ZNF169: variants seen among roughly 807,000 people sequenced by gnomAD.
The protein encoded by ZNF169 is zinc finger protein 169.
ZNF169 carries 11 observed loss-of-function variants against 12.0 expected under a neutral mutation model. That is an observed-to-expected ratio of 0.92 (90% CI 0.58 to 1.52). ZNF169 has a LOEUF of 1.52. ZNF169 is among the 40% of genes most tolerant of loss of function. The pLI is 0.00. For synonymous variants in ZNF169, 302 were observed against 286.5 expected (o/e 1.05, Z -0.55); for missense variants, 722 against 744.0 (o/e 0.97, Z 0.34).
At chr9:94,287,766 A>G in intron 2 of ZNF169, 1 of 1,394,896 alleles carries the variant, frequency 7.2e-7, no homozygotes. Context: ...GCCATCCAGG[A>G]GAGCTGACAG....
Position 94,300,619 on chromosome 9 carries a change from G to A in ZNF169, c.1061G>A (p.Gly354Asp). 1.2e-6 allele frequency: 2 copies of A among 1,614,154 alleles called. No individual in the cohort carries two copies. The highest frequency in any genetic ancestry group is 8.5e-7 in the Non-Finnish European group (1 of 1,180,034). The change falls in exon 5 of 5, where the codon GGC (glycine) becomes GAC (aspartate). Residue 354 changes from glycine to aspartate, a missense_variant. Physicochemically the swap from Gly to Asp is moderately conservative, Grantham distance 94. Transcript: ENST00000395395. ...TTCGTGTGTCCTGAGTGTGGGAGAG[G>A]CTTTTGCCAGAAGGCATCACTCCTC... ...KPFVCPECGR[G>D]FCQKASLLQH...
chr9:94,269,518 G>C (rs989831122), intron 1 of ZNF169, among the ~76,000 whole-genome samples: 5 of 152,166 alleles, frequency 3.3e-5, no homozygotes, highest in African/African-American at 1.2e-4. Context: ...TCCTCCTGAA[G>C]ACTGTCTCAT....
At chr9:94,260,002 G>C (rs1180991959) in intron 1 of ZNF169, among the ~76,000 whole-genome samples, 1 of 152,024 alleles carries the variant, frequency 6.6e-6, no homozygotes, top group African/African-American at 2.4e-5. Flanking sequence ...CACCCCAGCC[G>C]CCGGGTTCAA....
In ZNF169 at chr9:94,300,363, C is replaced by T. The variant is rs10993152; in HGVS notation, c.805C>T (p.Arg269Cys). 10 of 1,613,298 alleles carry T rather than the reference C, an allele frequency of 6.2e-6. No individual in the cohort carries two copies. The South Asian group carries it at 6.6e-5, about 11-fold the overall frequency. The change falls in exon 5 of 5, where the codon CGT becomes TGT. Residue 269 changes from arginine to cysteine, a missense_variant. Transcript: ENST00000395395. Reference protein sequence around the residue: ...EKPYLCPECGRRFSQKASLSI... With the variant: ...EKPYLCPECGCRFSQKASLSI... The stretch of plus-strand genomic sequence containing the variant: ...GCCATACCTGTGTCCTGAGTGTGGG[C>T]GTCGGTTTAGCCAGAAGGCCTCCCT...
chr9:94,299,364 G>A (rs768970561), intron 4 of ZNF169: 218 of 448,688 alleles, frequency 4.9e-4, no homozygotes, highest in Non-Finnish European at 2.8e-4. Context: ...AGTCAAGGAA[G>A]CCCAAAGCAT....
rs201612360 is a variant in ZNF169, at chr9:94,301,242, C to T, written c.1684C>T (p.Arg562Trp). ...GFKSALIRHQ[R>W]THSGEKPYVC... ...TAAGTCTGCCCTCATCCGACATCAG[C>T]GGACCCATTCTGGGGAGAAGCCGTA... The change falls in exon 5 of 5, where the codon CGG becomes TGG. Residue 562 changes from arginine to tryptophan, a missense_variant. By Grantham distance (101) the Arg-to-Trp change is moderately radical. Coordinates refer to ENST00000395395, the MANE Select transcript of ZNF169 (RefSeq NM_194320.4). 4.9e-5 allele frequency: 79 copies of T among 1,607,244 alleles called. No homozygotes were observed. Among genetic ancestry groups the T allele is most frequent in the Non-Finnish European group, 6.3e-5 (74 of 1,177,546 alleles).
intron 4 of ZNF169, 162 bp downstream of exon 4, chr9:94,293,231 C>A: frequency 1.5e-6 from 1 of 684,330 alleles, no homozygotes; most frequent in South Asian, 1.6e-5. Flanking sequence ...ACACTGTGTG[C>A]CTCCCCCCAG....
intron 1 of ZNF169, among the ~76,000 whole-genome samples, chr9:94,261,194 A>G (rs1044687455): frequency 2.0e-5 from 3 of 152,040 alleles, no homozygotes; most frequent in African/African-American, 7.2e-5. Context: ...GGCACGCGCT[A>G]CCACACCTGG....
chr9:94,270,886 A>T (rs865829063), intron 1 of ZNF169, among the ~76,000 whole-genome samples: 1 of 55,228 alleles, frequency 1.8e-5, no homozygotes, highest in African/African-American at 7.7e-5. Flanking sequence ...ATATTATATA[A>T]ATATATATAA....
At chr9:94,259,380 C>T (rs1830157430) in intron 1 of ZNF169, 35 bp downstream of exon 1, 1 of 152,350 alleles carries the variant, frequency 6.6e-6, no homozygotes. Context: ...TGAGCTAGCC[C>T]GGAGGTGGTC....
intron 4 of ZNF169, chr9:94,293,602 G>GT (rs2118649597): frequency 6.0e-6 from 1 of 167,714 alleles, no homozygotes; most frequent in African/African-American, 2.4e-5. Flanking sequence ...TGTATTTTTA[G>GT]TAGAGATGGG....
At chr9:94,271,607 C>G (rs1364810090) in intron 1 of ZNF169, among the ~76,000 whole-genome samples, 2 of 150,404 alleles carry the variant, frequency 1.3e-5, no homozygotes, top group Non-Finnish European at 2.9e-5. Flanking sequence ...GTAGTCCCAG[C>G]TACTTGGGAG....
intron 2 of ZNF169, among the ~76,000 whole-genome samples, chr9:94,289,256 A>G (rs1830780864): frequency 6.6e-6 from 1 of 151,870 alleles, no homozygotes; most frequent in Non-Finnish European, 1.5e-5. Flanking sequence ...AAAATTAGCC[A>G]GGTGTGGTGA....
At chr9:94,278,670 C>T in intron 1 of ZNF169, 88 bp from the exon 2 acceptor site, 2 of 683,646 alleles carry the variant, frequency 2.9e-6, no homozygotes, top group East Asian at 2.8e-5. Flanking sequence ...TTCCCTGTTC[C>T]TCTACTCCCT....
intron 2 of ZNF169, among the ~76,000 whole-genome samples, chr9:94,284,239 A>G (rs1352338138): frequency 1.3e-5 from 2 of 151,928 alleles, no homozygotes; most frequent in Non-Finnish European, 2.9e-5. Context: ...AGCCTGGCCA[A>G]CGTGGAGGAA....
Position 94,301,716 on chromosome 9 carries a change from G to A in ZNF169, c.*346G>A, listed in dbSNP as rs1482419987. On this transcript the variant is annotated 3_prime_UTR_variant, in exon 5 of 5. Transcript: ENST00000395395. The stretch of plus-strand genomic sequence containing the variant: ...TCCTCACGTGGGCTTTTTTCTGTGT[G>A]TATGCTTTCCTGGTGTGGCTTCCTC... Among the ~76,000 whole-genome samples, 1 of 152,166 alleles carries A rather than the reference G, an allele frequency of 6.6e-6. No homozygotes were observed. The highest frequency in any genetic ancestry group is 1.5e-5 in the Non-Finnish European group (1 of 68,022).
At chr9:94,292,605 A>AT (rs1564091357) in intron 3 of ZNF169, 138 bp downstream of exon 3, 13 of 661,278 alleles carry the variant, frequency 2.0e-5, no homozygotes, top group African/African-American at 2.4e-5. Flanking sequence ...TTCACAGTGC[A>AT]GTTGTGTGTG....
At chr9:94,279,780 A>T (rs12350679) in intron 2 of ZNF169, among the ~76,000 whole-genome samples, 6,665 of 152,278 alleles carry the variant, frequency 0.044, 198 homozygotes, top group Non-Finnish European at 0.066. Flanking sequence ...TGTATAGGTG[A>T]GGGCTCTAAC....
chr9:94,287,482 C>T (rs866610970), intron 2 of ZNF169, among the ~76,000 whole-genome samples: 5 of 152,176 alleles, frequency 3.3e-5, no homozygotes, highest in Admixed American at 3.3e-4. Context: ...TCTCCTGCCT[C>T]AGCCCCCGGT....
Sources: gnomAD v4.1 joint callset for allele counts (sites outside exome capture counted in the v4.1 genomes callset) on GRCh38, gnomAD v4.1.1 for gene constraint, MANE v1.5 for transcripts, NCBI Gene and HGNC (gene_info 2026-07-23, HGNC 2026-07-21) for gene names.